PTH2R: variants seen among roughly 807,000 people sequenced by gnomAD.
The protein encoded by PTH2R is parathyroid hormone 2 receptor, also known as PTH2 receptor.
In PTH2R, 59 loss-of-function variants were observed where a neutral mutation model predicts 60.3. That is an observed-to-expected ratio of 0.98 (90% CI 0.79 to 1.22). The LOEUF (loss-of-function observed/expected upper bound fraction) is 1.22, where lower values mean the gene tolerates loss of function less well. PTH2R is among the 50% of genes most tolerant of loss of function. The pLI is 0.00. For missense variants in PTH2R, 749 were observed against 682.6 expected (o/e 1.10, Z -1.08); for synonymous variants, 256 against 243.8 (o/e 1.05, Z -0.47).
At chr2:208,465,584 A>G (rs1702731599) in intron 9 of PTH2R, among the ~76,000 whole-genome samples, 1 of 150,392 alleles carries the variant, frequency 6.6e-6, no homozygotes, top group South Asian at 2.1e-4. Context: ...TTTTATTTTT[A>G]GTAGAGATGG....
intron 1 of PTH2R, among the ~76,000 whole-genome samples, chr2:208,361,815 C>T (rs957377343): frequency 1.3e-5 from 2 of 151,692 alleles, no homozygotes; most frequent in Non-Finnish European, 1.5e-5. Flanking sequence ...GTATATGCCA[C>T]ATTTTGTTTA....
upstream of PTH2R, among the ~76,000 whole-genome samples, chr2:208,406,541 TG>T (rs1349687157): frequency 6.6e-6 from 1 of 152,162 alleles, no homozygotes; most frequent in African/African-American, 2.4e-5. Flanking sequence ...GGATCACTCC[TG>T]GAAGACCCAG....
chr2:208,431,346 T>C (rs528418793), intron 2 of PTH2R, among the ~76,000 whole-genome samples: 135 of 152,330 alleles, frequency 8.9e-4, no homozygotes, highest in African/African-American at 3.2e-3. Flanking sequence ...CTGCATATGA[T>C]AATTGTAATA....
intron 1 of PTH2R, among the ~76,000 whole-genome samples, chr2:208,387,303 G>A (rs1351988339): frequency 1.3e-5 from 2 of 152,134 alleles, no homozygotes. Flanking sequence ...TAGATTGTAT[G>A]GGTAAAACAT....
chr2:208,459,080 A>G lies in PTH2R; in HGVS notation c.915-815A>G, dbSNP rs546725723. ...ATTTACACTCCCACCAACAGCATAT[A>G]AGGGTTCCCTTTTCTCTCTAACCTC... On this transcript the variant is annotated intron_variant, in intron 8 of 12. Transcript: ENST00000272847. Among the ~76,000 whole-genome samples, 3 of 152,222 alleles carry G rather than the reference A, an allele frequency of 2.0e-5. No individual in the cohort carries two copies. The South Asian group carries it at 6.2e-4, about 32-fold the overall frequency.
At chr2:208,368,410 G>A (rs542158353) in intron 1 of PTH2R, among the ~76,000 whole-genome samples, 1 of 152,290 alleles carries the variant, frequency 6.6e-6, no homozygotes, top group African/African-American at 2.4e-5. Flanking sequence ...GACAAAGCAA[G>A]TATTCTTATA....
intron 1 of PTH2R, among the ~76,000 whole-genome samples, chr2:208,380,506 C>T (rs1188529446): frequency 6.6e-6 from 1 of 152,074 alleles, no homozygotes; most frequent in Admixed American, 6.5e-5. Context: ...CATACAATGT[C>T]TTGCCTACTT....
intron 1 of PTH2R, 50 bp from the exon 2 acceptor site, chr2:208,428,151 T>C (rs934804056): frequency 2.4e-5 from 34 of 1,406,518 alleles, no homozygotes; most frequent in Non-Finnish European, 3.2e-5. Flanking sequence ...GCTTGTATCC[T>C]GGCTTGAAAA....
chr2:208,410,762 TTGTG>T (rs10688062), intron 1 of PTH2R, among the ~76,000 whole-genome samples: 1 of 150,632 alleles, frequency 6.6e-6, no homozygotes, highest in South Asian at 2.1e-4. Flanking sequence ...AGATAAAAGA[TTGTG>T]TGTGTGTGTG....
chr2:208,467,807 T>A (rs779431598), intron 9 of PTH2R, among the ~76,000 whole-genome samples: 2 of 152,184 alleles, frequency 1.3e-5, no homozygotes, highest in Non-Finnish European at 2.9e-5. Context: ...AAGACATTCC[T>A]GGGCCATAAA....
At chr2:208,477,940 C>G (rs1195784318) in intron 9 of PTH2R, among the ~76,000 whole-genome samples, 8 of 37,384 alleles carry the variant, frequency 2.1e-4, no homozygotes, top group African/African-American at 4.7e-4. Flanking sequence ...AGCACTACTA[C>G]TAGTAGTACT....
In PTH2R at chr2:208,493,247, T is replaced by C. The variant is rs375684606; in HGVS notation, c.1258-17T>C. ...CCTTTAGGATTTCTCATGCACAGCATGTTTCTCGTGGCTTAGGTTCAGGCA... is the reference window on the plus strand; with the variant it reads ...CCTTTAGGATTTCTCATGCACAGCACGTTTCTCGTGGCTTAGGTTCAGGCA... On this transcript the variant is annotated splice_polypyrimidine_tract_variant and intron_variant, in intron 12 of 12. Transcript: ENST00000272847. The C allele has an allele frequency of 9.4e-6, 14 of 1,488,564 alleles. No homozygotes were observed. Among genetic ancestry groups the C allele is most frequent in the Admixed American group, 4.8e-5 (2 of 41,724 alleles). The allele number at this position is 1,488,564 out of a possible 1,614,324, so 92.2% of individuals were successfully genotyped here. A position where few individuals can be genotyped will look rare whatever the true frequency, so the allele number is the denominator to read the frequency against.
chr2:208,407,117 A>T lies in PTH2R; in HGVS notation c.74A>T (p.Gln25Leu). Residue 25 changes from glutamine to leucine, a missense_variant and splice_region_variant, in exon 1 of 13, where the codon CAG (glutamine) becomes CTG (leucine). Transcript: ENST00000272847. ...MLGSCLLARAQLDSDGTITIE... is the reference protein window; with the variant it reads ...MLGSCLLARALLDSDGTITIE... The stretch of plus-strand genomic sequence containing the variant: ...GGCAGCTGCCTCCTGGCCAGAGCCC[A>T]GGTAAGAGCCAGTGCTCCGCGACAC... 7.1e-7 allele frequency: 1 copy of T among 1,401,040 alleles called. No individual in the cohort carries two copies. The highest frequency in any genetic ancestry group is 1.8e-5 in the South Asian group (1 of 54,698). 86.8% of individuals were successfully genotyped at this position (1,401,040 alleles called of 1,614,324 possible). A position where few individuals can be genotyped will look rare whatever the true frequency, so the allele number is the denominator to read the frequency against.
At chr2:208,412,084 G>A (rs752346502) in intron 1 of PTH2R, among the ~76,000 whole-genome samples, 10 of 151,980 alleles carry the variant, frequency 6.6e-5, no homozygotes, top group African/African-American at 2.4e-4. Context: ...TATTTCTTAC[G>A]GCTTCTTCTT....
At chr2:208,470,953 G>A (rs1702867349) in intron 9 of PTH2R, among the ~76,000 whole-genome samples, 1 of 152,156 alleles carries the variant, frequency 6.6e-6, no homozygotes, top group Non-Finnish European at 1.5e-5. Flanking sequence ...TTTGGGAACT[G>A]GAGCAAAGGT....
chr2:208,456,103 G>T (rs150618445), intron 8 of PTH2R, among the ~76,000 whole-genome samples: 2 of 151,972 alleles, frequency 1.3e-5, no homozygotes, highest in Non-Finnish European at 2.9e-5. Context: ...TTAGCTGGGC[G>T]TGGTGGTGCG....
In PTH2R at chr2:208,453,209, T is replaced by C. The variant is rs569212911; in HGVS notation, c.914+2400T>C. Reference sequence around the variant, plus strand: ...ATAGGTTATCACCTACCATTAACTTTTCAACAATTCCCATTTTTTGTTGAC... The same window carrying C: ...ATAGGTTATCACCTACCATTAACTTCTCAACAATTCCCATTTTTTGTTGAC... On this transcript the variant is annotated intron_variant, in intron 8 of 12. Transcript: ENST00000272847. 2.6e-5 allele frequency among the ~76,000 whole-genome samples: 4 copies of C among 152,358 alleles called. No homozygotes were observed. In the South Asian group the frequency reaches 8.3e-4, roughly 32 times the overall value.
At position 208,408,740 on chromosome 2, in the gene PTH2R, A is replaced by AGAAAGAGAGAG. The variant is rs1553542827; in HGVS notation, c.75+1622_75+1623insGAAAGAGAGAG. On this transcript the variant is annotated intron_variant, in intron 1 of 12. Coordinates refer to ENST00000272847, the MANE Select transcript of PTH2R (RefSeq NM_005048.4). ...GAAAGGAAAGAGAGAGAGAGAGAGA[A>AGAAAGAGAGAG]AGAGAGAGAGAGAGAGAGAGAGAGA... Among the ~76,000 whole-genome samples, 641 of 123,326 alleles carry AGAAAGAGAGAG rather than the reference A, an allele frequency of 5.2e-3. 10 individuals are homozygous for AGAAAGAGAGAG. Among genetic ancestry groups the AGAAAGAGAGAG allele is most frequent in the African/African-American group, 0.018 (467 of 25,562 alleles). The allele number at this position is 123,326 out of a possible 152,430, so 80.9% of individuals were successfully genotyped here.
chr2:208,401,293 T>G (rs1701303657), intron 1 of PTH2R, among the ~76,000 whole-genome samples: 1 of 152,146 alleles, frequency 6.6e-6, no homozygotes, highest in Non-Finnish European at 1.5e-5. Flanking sequence ...CTCCCCTACC[T>G]GCCACCTGTA....
Sources: gnomAD v4.1 joint callset for allele counts (sites outside exome capture counted in the v4.1 genomes callset) on GRCh38, gnomAD v4.1.1 for gene constraint, MANE v1.5 for transcripts, NCBI Gene and HGNC (gene_info 2026-07-23, HGNC 2026-07-21) for gene names.